The following CYP4F3 variants were observed in gnomAD, a reference collection of about 807,000 sequenced individuals.
CYP4F3 encodes cytochrome P450 4F3.
A neutral mutation model predicts 54.8 loss-of-function variants in CYP4F3; 50 were observed. The ratio of observed to expected loss-of-function variants is 0.91; its 90% CI spans 0.73 to 1.16. CYP4F3 has a LOEUF of 1.16. Ranked by LOEUF, CYP4F3 falls within the 50% of genes most tolerant of loss-of-function variation. CYP4F3 has a pLI of 0.00. For synonymous variants in CYP4F3, 244 were observed against 262.6 expected (o/e 0.93, Z 0.69); for missense variants, 715 against 676.2 (o/e 1.06, Z -0.64).
At chr19:15,644,556 C>G (rs1214392787) in intron 2 of CYP4F3, among the ~76,000 whole-genome samples, 2 of 151,896 alleles carry the variant, frequency 1.3e-5, no homozygotes, top group African/African-American at 4.8e-5. Context: ...CTTGCCAGGT[C>G]TAGCGTCACC....
chr19:15,647,069 G>A lies in CYP4F3; in HGVS notation c.361G>A (p.Asp121Asn), dbSNP rs200137515. ...TATGTCAGCTGCCATTGTACCAAAG[G>A]ACAAGGTCTTCTACAGCTTCCTGAA... ...LFAPAAIVPK[D>N]KVFYSFLKPW... The change falls in exon 4 of 13, where the codon GAC becomes AAC. Residue 121 changes from aspartate (D) to asparagine (N), a missense_variant. By Grantham distance (23) the Asp-to-Asn change is conservative (BLOSUM62 1). Coordinates refer to ENST00000221307, the MANE Select transcript of CYP4F3 (RefSeq NM_000896.3). 6.2e-7 allele frequency: 1 copy of A among 1,614,154 alleles called. No individual in the cohort carries two copies. Among genetic ancestry groups the A allele is most frequent in the Admixed American group, 1.7e-5 (1 of 60,024 alleles).
Position 15,662,272 on chromosome 19 carries a change from C to CAAAAAAAAAAAAAAAAAAAAAAAAA in CYP4F3, c.*2907_*2908insAAAAAAAAAAAAAAAAAAAAAAAAA, listed in dbSNP as rs376922016. 18 of 73,668 alleles carry CAAAAAAAAAAAAAAAAAAAAAAAAA rather than the reference C, an allele frequency of 2.4e-4. 1 individual carries two copies. Among genetic ancestry groups the CAAAAAAAAAAAAAAAAAAAAAAAAA allele is most frequent in the African/African-American group, 5.7e-4 (7 of 12,350 alleles). 4.6% of individuals were successfully genotyped at this position (73,668 alleles called of 1,614,324 possible). On this transcript the variant is annotated 3_prime_UTR_variant, in exon 13 of 13. Transcript: ENST00000221307. ...GGTGAAAGAGCTAGATTCTCTCTCT[C>CAAAAAAAAAAAAAAAAAAAAAAAAA]AAAAAAAAAAAAAAAAAAAAGGAAA... is the stretch of plus-strand genomic sequence containing the variant.
At chr19:15,658,015 C>A (rs1442925212) in intron 9 of CYP4F3, among the ~76,000 whole-genome samples, 4 of 152,086 alleles carry the variant, frequency 2.6e-5, no homozygotes, top group Non-Finnish European at 5.9e-5. Flanking sequence ...TGGGTGGGGG[C>A]CCCTTTACCA....
chr19:15,641,261 A>T, intron 1 of CYP4F3, 154 bp from the exon 2 acceptor site: 1 of 963,266 alleles, frequency 1.0e-6, no homozygotes, highest in Non-Finnish European at 1.5e-6. Context: ...GCCTTTCTGG[A>T]CTTTACCCCT....
At chr19:15,641,260 G>A in intron 1 of CYP4F3, 155 bp from the exon 2 acceptor site, 1 of 960,564 alleles carries the variant, frequency 1.0e-6, no homozygotes, top group East Asian at 2.6e-5. Flanking sequence ...GGCCTTTCTG[G>A]ACTTTACCCC....
chr19:15,648,483 A>G (rs1264753803), intron 5 of CYP4F3, among the ~76,000 whole-genome samples: 1 of 152,140 alleles, frequency 6.6e-6, no homozygotes, highest in African/African-American at 2.4e-5. Flanking sequence ...TTTCAAGTTA[A>G]GAACATCAGC....
intron 2 of CYP4F3, chr19:15,643,902 T>G (rs1210674997): frequency 6.4e-7 from 1 of 1,558,932 alleles, no homozygotes; most frequent in African/African-American, 1.4e-5. Flanking sequence ...CTGCCTTGCT[T>G]GCAGGTCACC....
intron 7 of CYP4F3, among the ~76,000 whole-genome samples, chr19:15,650,751 ATCTT>A (rs1972802147): frequency 5.3e-5 from 1 of 18,954 alleles, no homozygotes; most frequent in South Asian, 1.5e-3. Flanking sequence ...CCTTCCTTCC[ATCTT>A]TCTTTCTTTC....
intron 2 of CYP4F3, among the ~76,000 whole-genome samples, chr19:15,642,829 A>G (rs1246513723): frequency 6.6e-6 from 1 of 151,476 alleles, no homozygotes; most frequent in African/African-American, 2.4e-5. Flanking sequence ...AGATAGACAG[A>G]TAGATAGATA....
Position 15,662,713 on chromosome 19 carries a change from A to G in CYP4F3, c.*3328A>G, listed in dbSNP as rs1973207883. ...TTATTTGTTTTCTTGAATTTCTTTT[A>G]TCATTGTTTTGTAGTTTTCACCATG... On this transcript the variant is annotated 3_prime_UTR_variant, in exon 13 of 13. Coordinates refer to ENST00000221307, the MANE Select transcript of CYP4F3 (RefSeq NM_000896.3). 6.6e-6 allele frequency: 1 copy of G among 152,124 alleles called. No homozygotes were observed. Among genetic ancestry groups the G allele is most frequent in the Non-Finnish European group, 1.5e-5 (1 of 68,026 alleles). The allele number at this position is 152,124 out of a possible 1,614,324, so 9.4% of individuals were successfully genotyped here.
rs761159834 is a variant in CYP4F3, at chr19:15,652,909, G to T, written c.1072G>T (p.Val358Leu). Residue 358 changes from valine to leucine, a missense_variant, in exon 9 of 13, where the codon GTG (valine) becomes TTG (leucine). Transcript: ENST00000221307. ...PEYQERCRQE[V>L]QELLKDREPK... ...ATACCAGGAGCGCTGTCGGCAGGAG[G>T]TGCAAGAGCTTCTGAAGGACCGTGA... 5 of 1,613,518 alleles carry T rather than the reference G, an allele frequency of 3.1e-6. No homozygotes were observed. The highest frequency in any genetic ancestry group is 1.1e-5 in the South Asian group (1 of 91,028).
chr19:15,643,427 TAGA>T (rs1972531972), intron 2 of CYP4F3, among the ~76,000 whole-genome samples: 1 of 151,686 alleles, frequency 6.6e-6, no homozygotes, highest in Non-Finnish European at 1.5e-5. Context: ...GATAGATAGA[TAGA>T]TAGATAGATA....
chr19:15,645,655 C>G (rs1972601033), intron 2 of CYP4F3, 64 bp from the exon 3 acceptor site: 6 of 1,524,708 alleles, frequency 3.9e-6, no homozygotes, highest in Non-Finnish European at 5.3e-6. Flanking sequence ...CACCTCTTCC[C>G]TGCAGATCCT....
At chr19:15,651,169 C>T (rs548557997) in intron 7 of CYP4F3, among the ~76,000 whole-genome samples, 1 of 137,890 alleles carries the variant, frequency 7.3e-6, no homozygotes, top group African/African-American at 2.6e-5. Flanking sequence ...CCACTGTGCC[C>T]CACCTTGTCA....
chr19:15,645,301 G>C (rs1376361027), intron 2 of CYP4F3, among the ~76,000 whole-genome samples: 1 of 152,188 alleles, frequency 6.6e-6, no homozygotes, highest in African/African-American at 2.4e-5. Flanking sequence ...CGGCAGGCCT[G>C]GGCCTTCTAG....
At chr19:15,655,952 A>G (rs1972999490) in intron 9 of CYP4F3, among the ~76,000 whole-genome samples, 1 of 152,168 alleles carries the variant, frequency 6.6e-6, no homozygotes, top group Non-Finnish European at 1.5e-5. Flanking sequence ...TTTCTTAGCA[A>G]TTTCAACTAA....
intron 9 of CYP4F3, among the ~76,000 whole-genome samples, chr19:15,653,306 A>G (rs1972914986): frequency 6.6e-6 from 1 of 152,132 alleles, no homozygotes; most frequent in Admixed American, 6.5e-5. Flanking sequence ...TCTGTTCCCT[A>G]ATTCCTACCC....
At chr19:15,653,427 C>T (rs950478005) in intron 9 of CYP4F3, among the ~76,000 whole-genome samples, 3 of 152,158 alleles carry the variant, frequency 2.0e-5, no homozygotes, top group African/African-American at 4.8e-5. Flanking sequence ...CAAATACTCT[C>T]ATACTGCATT....
At chr19:15,643,127 TTAGA>T (rs28969373) in intron 2 of CYP4F3, among the ~76,000 whole-genome samples, 19,710 of 151,536 alleles carry the variant, frequency 0.13, 1,394 homozygotes, top group Middle Eastern at 0.19. Context: ...GATAGAAAAG[TTAGA>T]TAGGATGAAT....
Sources: gnomAD v4.1 joint callset for allele counts (sites outside exome capture counted in the v4.1 genomes callset) on GRCh38, gnomAD v4.1.1 for gene constraint, MANE v1.5 for transcripts, NCBI Gene and HGNC (gene_info 2026-07-23, HGNC 2026-07-21) for gene names.